SLC9A9: variants seen among roughly 807,000 people sequenced by gnomAD.
SLC9A9 encodes solute carrier family 9 member A9.
Under a neutral mutation model 77.8 loss-of-function variants are expected in SLC9A9, and 62 were observed. That is an observed-to-expected ratio of 0.80 (90% CI 0.65 to 0.98). The LOEUF is 0.98. Ranked by LOEUF, SLC9A9 falls within the 50% of genes least tolerant of loss-of-function variation. SLC9A9 has a pLI of 0.00. For synonymous variants in SLC9A9, 320 were observed against 283.5 expected, an observed-to-expected ratio of 1.13 and a Z score of -1.29; for missense variants, 775 against 774.9, an observed-to-expected ratio of 1.00 and a Z score of 0.00.
Position 143,376,633 on chromosome 3 carries a change from T to C in SLC9A9, c.1524+5427A>G, listed in dbSNP as rs544191603. ...CATTCCTACTTTCTAGAACATGTAC[T>C]TGCAGGAACTACCGGTAAGATAAAA... On this transcript the variant is annotated intron_variant, in intron 13 of 15. Coordinates refer to ENST00000316549, the MANE Select transcript of SLC9A9 (RefSeq NM_173653.4). 2.3e-3 allele frequency among the ~76,000 whole-genome samples: 348 copies of C among 152,350 alleles called. 3 individuals are homozygous for C. The highest frequency in any genetic ancestry group is 8.1e-3 in the African/African-American group (336 of 41,586).
intron 4 of SLC9A9, among the ~76,000 whole-genome samples, chr3:143,790,581 G>A (rs995037529): frequency 1.3e-5 from 2 of 152,168 alleles, no homozygotes; most frequent in African/African-American, 4.8e-5. Context: ...AGGACAAGGA[G>A]ATTCTAAGAG....
At chr3:143,723,945 A>G (rs1407549050) in intron 4 of SLC9A9, among the ~76,000 whole-genome samples, 2 of 152,224 alleles carry the variant, frequency 1.3e-5, no homozygotes, top group South Asian at 4.1e-4. Context: ...TTGCCTATTG[A>G]AGGAAAATAA....
intron 14 of SLC9A9, among the ~76,000 whole-genome samples, chr3:143,313,582 A>G (rs2031096927): frequency 6.6e-6 from 1 of 152,168 alleles, no homozygotes; most frequent in Non-Finnish European, 1.5e-5. Flanking sequence ...GAATATCAAC[A>G]GTTCTATTTG....
At chr3:143,538,112 T>A (rs4025523) in intron 9 of SLC9A9, among the ~76,000 whole-genome samples, 7,430 of 152,278 alleles carry the variant, frequency 0.049, 287 homozygotes, top group African/African-American at 0.1. Context: ...TAAAGAGTGA[T>A]GTTGCCTTAT....
At chr3:143,518,748 T>A (rs1050106347) in intron 9 of SLC9A9, among the ~76,000 whole-genome samples, 2 of 152,244 alleles carry the variant, frequency 1.3e-5, no homozygotes, top group Admixed American at 6.5e-5. Flanking sequence ...ATGATATAAA[T>A]AAGTGGAAAT....
intron 4 of SLC9A9, among the ~76,000 whole-genome samples, chr3:143,778,459 A>G (rs1328916667): frequency 1.3e-5 from 2 of 152,214 alleles, no homozygotes; most frequent in East Asian, 3.8e-4. Context: ...ACTATGGCGA[A>G]TACTGGAATT....
Position 143,427,892 on chromosome 3 carries a change from A to G in SLC9A9, c.1469+39145T>C, listed in dbSNP as rs573575311. Among the ~76,000 whole-genome samples, 6 of 152,344 alleles carry G rather than the reference A, an allele frequency of 3.9e-5. No individual in the cohort carries two copies. In the East Asian group the frequency reaches 1.2e-3, roughly 29 times the overall value. Reference sequence around the variant, plus strand: ...AGAAACTACCCCTCCCCCATGCAGAAGAATAAAACTGGACTCCTGTCTCTC... The same window carrying G: ...AGAAACTACCCCTCCCCCATGCAGAGGAATAAAACTGGACTCCTGTCTCTC... On this transcript the variant is annotated intron_variant, in intron 12 of 15. Coordinates refer to ENST00000316549, the MANE Select transcript of SLC9A9 (RefSeq NM_173653.4).
At chr3:143,551,947 G>A (rs1221924124) in intron 9 of SLC9A9, among the ~76,000 whole-genome samples, 2 of 152,188 alleles carry the variant, frequency 1.3e-5, no homozygotes, top group African/African-American at 4.8e-5. Context: ...ACAACTGGCA[G>A]TTGAGTTTGC....
At chr3:143,553,530 T>G (rs749949824) in intron 8 of SLC9A9, among the ~76,000 whole-genome samples, 1 of 152,190 alleles carries the variant, frequency 6.6e-6, no homozygotes, top group Non-Finnish European at 1.5e-5. Context: ...ATATGTGAAC[T>G]GAATACTGAC....
Position 143,266,794 on chromosome 3 carries a change from G to A in SLC9A9, c.1846C>T (p.Pro616Ser). Reference sequence around the variant, plus strand: ...CCCTCATAAATGTTTTCCTTGCCTGGCGTCTGGGGTGAAGCTTTCTGGTCC... The same window carrying A: ...CCCTCATAAATGTTTTCCTTGCCTGACGTCTGGGGTGAAGCTTTCTGGTCC... The part of the protein sequence containing the change: ...GLDQKASPQT[P>S]GKENIYEGDL... Residue 616 changes from proline to serine, a missense_variant, in exon 16 of 16, where the codon CCA becomes TCA. Physicochemically the swap from Pro to Ser is moderately conservative, Grantham distance 74 (BLOSUM62 -1). Coordinates refer to ENST00000316549, the MANE Select transcript of SLC9A9 (RefSeq NM_173653.4). The A allele has an allele frequency of 1.2e-6, 2 of 1,614,080 alleles. No homozygotes were observed. Among genetic ancestry groups the A allele is most frequent in the Non-Finnish European group, 1.7e-6 (2 of 1,180,028 alleles).
intron 14 of SLC9A9, among the ~76,000 whole-genome samples, chr3:143,327,334 C>A (rs530820225): frequency 6.5e-4 from 99 of 152,258 alleles, no homozygotes; most frequent in Non-Finnish European, 1.1e-3. Flanking sequence ...AGTAAAGGAA[C>A]TTTCCTCTTA....
chr3:143,596,435 G>C (rs2037753043), intron 6 of SLC9A9, among the ~76,000 whole-genome samples: 1 of 152,064 alleles, frequency 6.6e-6, no homozygotes, highest in Admixed American at 6.5e-5. Flanking sequence ...TATACTCAAG[G>C]CTTTTTTATC....
At chr3:143,567,109 C>T (rs116114839) in intron 8 of SLC9A9, among the ~76,000 whole-genome samples, 207 of 152,180 alleles carry the variant, frequency 1.4e-3, no homozygotes, top group African/African-American at 4.7e-3. Context: ...ATTAGGTAGT[C>T]GTGTATACCA....
chr3:143,344,440 ATATAT>A (rs1174820955), intron 14 of SLC9A9: 1 of 152,196 alleles, frequency 6.6e-6, no homozygotes, highest in Non-Finnish European at 1.5e-5. Context: ...ATATTTTCTA[ATATAT>A]TAAGAGACAC....
At chr3:143,690,849 C>G (rs1389574300) in intron 5 of SLC9A9, among the ~76,000 whole-genome samples, 1 of 152,156 alleles carries the variant, frequency 6.6e-6, no homozygotes, top group African/African-American at 2.4e-5. Context: ...AATAATTGAA[C>G]TGGAAAACTA....
intron 14 of SLC9A9, among the ~76,000 whole-genome samples, chr3:143,346,809 A>G (rs557386136): frequency 6.6e-6 from 1 of 152,324 alleles, no homozygotes; most frequent in South Asian, 2.1e-4. Flanking sequence ...AACAAAAACC[A>G]AAAGTTTGGT....
At chr3:143,430,923 T>C (rs977063582) in intron 12 of SLC9A9, among the ~76,000 whole-genome samples, 1 of 152,132 alleles carries the variant, frequency 6.6e-6, no homozygotes, top group African/African-American at 2.4e-5. Context: ...ACAACATGGA[T>C]ACACAGCAGC....
chr3:143,618,262 G>A (rs1283858271), intron 6 of SLC9A9, among the ~76,000 whole-genome samples: 2 of 152,198 alleles, frequency 1.3e-5, no homozygotes, highest in African/African-American at 4.8e-5. Flanking sequence ...GATTGAACTT[G>A]TGTCAAGAGA....
At chr3:143,347,567 C>CAGGGTAA (rs2032324831) in intron 14 of SLC9A9, among the ~76,000 whole-genome samples, 1 of 152,140 alleles carries the variant, frequency 6.6e-6, no homozygotes, top group Admixed American at 6.5e-5. Flanking sequence ...AAAGGGCACC[C>CAGGGTAA]GGATAGGGGA....
Sources: gnomAD v4.1 joint callset for allele counts (sites outside exome capture counted in the v4.1 genomes callset) on GRCh38, gnomAD v4.1.1 for gene constraint, MANE v1.5 for transcripts, NCBI Gene and HGNC (gene_info 2026-07-23, HGNC 2026-07-21) for gene names.